Variants in PLEKHA1 observed in about 807,000 individuals in gnomAD.
The protein encoded by PLEKHA1 is pleckstrin homology domain containing A1.
PLEKHA1 carries 34 observed loss-of-function variants against 52.0 expected under a neutral mutation model. The ratio of observed to expected loss-of-function variants is 0.65; its 90% CI spans 0.50 to 0.87. PLEKHA1 has a LOEUF of 0.87. Ranked by LOEUF, PLEKHA1 falls within the 40% of genes least tolerant of loss-of-function variation. The pLI is 0.00. For synonymous variants in PLEKHA1, 163 were observed against 170.7 expected (o/e 0.95, Z 0.35); for missense variants, 497 against 504.2 (o/e 0.99, Z 0.14).
At chr10:122,438,125 G>A in the PLEKHA1 span, 16,519 of 152,230 alleles carry the variant, frequency 0.11, 982 homozygotes, top group Middle Eastern at 0.18. Context: ...GTGTGGTGGC[G>A]TGCATCTGTA....
intron 5 of PLEKHA1, among the ~76,000 whole-genome samples, chr10:122,407,085 A>G (rs1590657871): frequency 6.6e-6 from 1 of 152,286 alleles, no homozygotes; most frequent in Non-Finnish European, 1.5e-5. Flanking sequence ...AGATAGGGAA[A>G]GAGTTGAAAA....
chr10:122,411,656 T>C (rs2097108145), intron 5 of PLEKHA1: 1 of 152,162 alleles, frequency 6.6e-6, no homozygotes. Flanking sequence ...AGCAGGGGAA[T>C]CTGAAGTTTT....
intron 8 of PLEKHA1, 45 bp downstream of exon 8, chr10:122,418,013 G>T: frequency 2.1e-6 from 3 of 1,436,062 alleles, no homozygotes; most frequent in Non-Finnish European, 2.9e-6. Context: ...TGTTTGAAAA[G>T]TGTTGCAATG....
chr10:122,389,502 G>C (rs2096746553), intron 1 of PLEKHA1, among the ~76,000 whole-genome samples: 1 of 152,166 alleles, frequency 6.6e-6, no homozygotes, highest in East Asian at 1.9e-4. Flanking sequence ...GAGTTTGAGA[G>C]CAGCCCGGCC....
intron 4 of PLEKHA1, among the ~76,000 whole-genome samples, chr10:122,406,140 G>T (rs2097010549): frequency 6.6e-6 from 1 of 152,200 alleles, no homozygotes; most frequent in Non-Finnish European, 1.5e-5. Context: ...AATGTGAATG[G>T]ATTCAACTTT....
intron 2 of PLEKHA1, among the ~76,000 whole-genome samples, chr10:122,396,720 G>C (rs2096854072): frequency 6.6e-6 from 1 of 151,960 alleles, no homozygotes; most frequent in Non-Finnish European, 1.5e-5. Context: ...CTTATCTCCA[G>C]CAGAAATAAT....
intron 1 of PLEKHA1, among the ~76,000 whole-genome samples, chr10:122,383,326 C>CTTTTTTTTTTTTTTCT (rs34354520): frequency 1.8e-5 from 2 of 111,614 alleles, no homozygotes; most frequent in Non-Finnish European, 3.6e-5. Context: ...TTTTTTTTTT[C>CTTTTTTTTTTTTTTCT]TTTTTTTTTT....
Position 122,374,778 on chromosome 10 carries a change from C to G in PLEKHA1, c.-49C>G, listed in dbSNP as rs2096495926. 6.6e-6 allele frequency: 1 copy of G among 151,948 alleles called. No individual in the cohort carries two copies. Among genetic ancestry groups the G allele is most frequent in the Admixed American group, 6.6e-5 (1 of 15,210 alleles). 9.4% of individuals were successfully genotyped at this position (151,948 alleles called of 1,614,324 possible). ...GCCTCTGTGGGAGCCGGGGCCGCGG[C>G]GGCGCGGGTGCTCCGGGCCGAGGCC... On this transcript the variant is annotated 5_prime_UTR_variant, in exon 1 of 12. Transcript: ENST00000368990.
rs1228580573 is a variant in PLEKHA1, at chr10:122,412,989, C to G, written c.412C>G (p.Gln138Glu). The change falls in exon 6 of 12, where the codon CAA becomes GAA. Residue 138 changes from glutamine to glutamate, a missense_variant. Transcript: ENST00000368990. The part of the protein sequence containing the change: ...LSRHGECGKK[Q>E]VSYRTDIVGG... Reference sequence around the variant, plus strand: ...TCGCCATGGTGAATGTGGGAAAAAGCAAGTGTCTTACAGAACTGATATTGT... The same window carrying G: ...TCGCCATGGTGAATGTGGGAAAAAGGAAGTGTCTTACAGAACTGATATTGT... 6.2e-7 allele frequency: 1 copy of G among 1,613,476 alleles called. No homozygotes were observed. Among genetic ancestry groups the G allele is most frequent in the Non-Finnish European group, 8.5e-7 (1 of 1,179,582 alleles).
chr10:122,391,239 T>G (rs935177338), intron 1 of PLEKHA1, among the ~76,000 whole-genome samples: 1 of 152,106 alleles, frequency 6.6e-6, no homozygotes, highest in African/African-American at 2.4e-5. Context: ...TAGATTTTCT[T>G]TTGACTTTCT....
intron 1 of PLEKHA1, among the ~76,000 whole-genome samples, chr10:122,380,207 AT>A (rs749568559): frequency 6.6e-6 from 1 of 152,250 alleles, no homozygotes; most frequent in Non-Finnish European, 1.5e-5. Context: ...TGATGCAGTA[AT>A]TATGGGTTAC....
intron 8 of PLEKHA1, chr10:122,418,770 C>T (rs1423721097): frequency 6.6e-6 from 1 of 152,140 alleles, no homozygotes; most frequent in Non-Finnish European, 1.5e-5. Context: ...TTATTGGAGA[C>T]ATTGAATGCA....
intron 1 of PLEKHA1, chr10:122,387,259 C>T (rs1217935395): frequency 6.6e-6 from 1 of 151,696 alleles, no homozygotes; most frequent in Non-Finnish European, 1.5e-5. Context: ...CATATTAGAC[C>T]TTTTCTAATA....
chr10:122,411,620 T>C (rs988794478), intron 5 of PLEKHA1, among the ~76,000 whole-genome samples: 1 of 152,168 alleles, frequency 6.6e-6, no homozygotes, highest in African/African-American at 2.4e-5. Context: ...ACTATAGATA[T>C]GTTGAGTCAG....
intron 1 of PLEKHA1, among the ~76,000 whole-genome samples, chr10:122,376,084 A>G (rs950793090): frequency 3.3e-5 from 5 of 152,198 alleles, no homozygotes; most frequent in Non-Finnish European, 5.9e-5. Context: ...CACTGAAACC[A>G]TTTACAGCAA....
intron 5 of PLEKHA1, chr10:122,411,967 T>A (rs1023262349): frequency 1.3e-5 from 2 of 152,200 alleles, no homozygotes; most frequent in Non-Finnish European, 2.9e-5. Flanking sequence ...ACATTATAAT[T>A]GATGCTGAGC....
At position 122,424,179 on chromosome 10, in the gene PLEKHA1, T is replaced by TG. The variant is rs2097304390; in HGVS notation, c.682-20_682-19insG. ...ATAAACATCATGTAACTGTTTTTTTTTTTTTTTTTTTTTTGCCAGGAAAAG... is the reference window on the plus strand; with the variant it reads ...ATAAACATCATGTAACTGTTTTTTTTGTTTTTTTTTTTTTTGCCAGGAAAAG... On this transcript the variant is annotated intron_variant, in intron 8 of 11. Transcript: ENST00000368990. 5.5e-6 allele frequency: 8 copies of TG among 1,444,542 alleles called. No individual in the cohort carries two copies. Among genetic ancestry groups the TG allele is most frequent in the Non-Finnish European group, 6.3e-6 (7 of 1,110,910 alleles). 89.5% of individuals were successfully genotyped at this position (1,444,542 alleles called of 1,614,324 possible).
chr10:122,395,705 A>T (rs371385238), intron 2 of PLEKHA1, among the ~76,000 whole-genome samples: 2 of 152,018 alleles, frequency 1.3e-5, no homozygotes. Context: ...TGATTCCTCT[A>T]TTATTAGGAA....
At position 122,415,894 on chromosome 10, in the gene PLEKHA1, CAG is replaced by C; in HGVS notation, c.506_507del (p.Arg169LysfsTer2). The C allele has an allele frequency of 6.2e-7, 1 of 1,612,578 alleles. No homozygotes were observed. The highest frequency in any genetic ancestry group is 8.5e-7 in the Non-Finnish European group (1 of 1,178,900). On this transcript the variant is annotated frameshift_variant, in exon 7 of 12. Coordinates refer to ENST00000368990, the MANE Select transcript of PLEKHA1 (RefSeq NM_001001974.4). LOFTEE classifies it high-confidence loss of function. ...EVNECGESIDRNNLKRSQSHL... is the reference protein window; with the variant it reads ...EVNECGESIDXNNLKRSQSHL... ...TAAATGAATGTGGTGAAAGTATTGA[CAG>C]AAATAATCTGAAACGGTCACAAAGC...
Sources: gnomAD v4.1 joint callset for allele counts (sites outside exome capture counted in the v4.1 genomes callset) on GRCh38, gnomAD v4.1.1 for gene constraint, MANE v1.5 for transcripts, NCBI Gene and HGNC (gene_info 2026-07-23, HGNC 2026-07-21) for gene names.